The following SSBP3 variants were observed in gnomAD, a reference collection of about 807,000 sequenced individuals.
SSBP3 encodes the protein single-stranded DNA-binding protein 3.
A neutral mutation model predicts 69.6 loss-of-function variants in SSBP3; 5 were observed. That is an observed-to-expected ratio of 0.07 (90% CI 0.04 to 0.15). The LOEUF is 0.15. SSBP3 is among the 10% of genes least tolerant of loss of function. The probability of loss-of-function intolerance (pLI) is 1.00; values close to 1 mark genes in which losing one functional copy is unlikely to be tolerated. For missense variants in SSBP3, 312 were observed against 534.0 expected, an observed-to-expected ratio of 0.58 and a Z score of 4.10; for synonymous variants, 196 against 193.4, an observed-to-expected ratio of 1.01 and a Z score of -0.11.
chr1:54,404,958 G>A (rs1438784935), intron 1 of SSBP3, 28 bp from the exon 2 acceptor site: 4 of 1,599,158 alleles, frequency 2.5e-6, no homozygotes, highest in East Asian at 2.2e-5. Flanking sequence ...GGCAAAGAGA[G>A]AGAGGGAAAG....
chr1:54,230,895 T>TC (rs1435488134), intron 14 of SSBP3, among the ~76,000 whole-genome samples: 3 of 152,240 alleles, frequency 2.0e-5, no homozygotes, highest in Admixed American at 2.0e-4. Context: ...ATACCACATT[T>TC]CATTTATCCA....
chr1:54,252,496 G>A (rs1422204462), intron 7 of SSBP3, among the ~76,000 whole-genome samples: 1 of 151,870 alleles, frequency 6.6e-6, no homozygotes, highest in East Asian at 1.9e-4. Flanking sequence ...TCTACAATAG[G>A]AAATGCCACC....
chr1:54,382,410 G>A (rs1180633247), intron 4 of SSBP3, among the ~76,000 whole-genome samples: 2 of 152,150 alleles, frequency 1.3e-5, no homozygotes, highest in African/African-American at 2.4e-5. Context: ...CCCAGATAAA[G>A]GGGAGGAAAA....
At chr1:54,405,047 G>A in intron 1 of SSBP3, 117 bp from the exon 2 acceptor site, 2 of 904,076 alleles carry the variant, frequency 2.2e-6, no homozygotes, top group Admixed American at 2.0e-5. Context: ...TTGTGGCCCC[G>A]ACCAGAGGTA....
intron 5 of SSBP3, among the ~76,000 whole-genome samples, chr1:54,275,967 G>A (rs964385025): frequency 1.3e-5 from 2 of 152,084 alleles, no homozygotes; most frequent in Admixed American, 6.6e-5. Flanking sequence ...TCATATCTCC[G>A]GCTTTTGGGC....
chr1:54,384,024 T>G (rs1647884245), intron 4 of SSBP3, among the ~76,000 whole-genome samples: 1 of 146,360 alleles, frequency 6.8e-6, no homozygotes, highest in East Asian at 2.1e-4. Flanking sequence ...GAGAATGGCA[T>G]GAACCCAGGA....
chr1:54,309,029 A>C lies in SSBP3; in HGVS notation c.277-27502T>G, dbSNP rs554582336. Among the ~76,000 whole-genome samples, 15 of 152,382 alleles carry C rather than the reference A, an allele frequency of 9.8e-5. 1 individual carries two copies. In the South Asian group the frequency reaches 2.7e-3, roughly 27 times the overall value. ...ACACTGCAACAAAATCATAATGCTC[A>C]TCTGATGAACTGGGGCATATGTGCA... is the stretch of plus-strand genomic sequence containing the variant. On this transcript the variant is annotated intron_variant, in intron 4 of 17. Coordinates refer to ENST00000610401, the Ensembl canonical transcript of SSBP3.
exon 1 of SSBP3, chr1:54,406,180 C>T (rs1649755260): frequency 2.1e-6 from 1 of 477,824 alleles, no homozygotes; most frequent in Non-Finnish European, 3.5e-6. Flanking sequence ...CAGGCGCTGG[C>T]TCCGCGCTCT....
chr1:54,329,460 G>A lies in SSBP3; in HGVS notation c.277-47933C>T, dbSNP rs57575057. 3.3e-5 allele frequency among the ~76,000 whole-genome samples: 5 copies of A among 152,310 alleles called. No individual in the cohort carries two copies. The East Asian group carries it at 9.7e-4, about 29-fold the overall frequency. On this transcript the variant is annotated intron_variant, in intron 4 of 17. Transcript: ENST00000610401. Reference sequence around the variant, plus strand: ...CTGCATGTGACAGTCCCAGCCTCCTGCACAATCAATACTGATTGTGTACTG... The same window carrying A: ...CTGCATGTGACAGTCCCAGCCTCCTACACAATCAATACTGATTGTGTACTG...
At chr1:54,396,866 C>G (rs1056144762) in intron 4 of SSBP3, among the ~76,000 whole-genome samples, 1 of 152,154 alleles carries the variant, frequency 6.6e-6, no homozygotes, top group South Asian at 2.1e-4. Context: ...GGGGTCTTGC[C>G]GCCACTTGAA....
intron 4 of SSBP3, among the ~76,000 whole-genome samples, chr1:54,308,342 C>T (rs1645936641): frequency 6.6e-6 from 1 of 151,098 alleles, no homozygotes; most frequent in African/African-American, 2.4e-5. Context: ...TGGCTCATGC[C>T]TGTAATCCCA....
chr1:54,291,569 G>A (rs1222329835), intron 4 of SSBP3, among the ~76,000 whole-genome samples: 5 of 152,228 alleles, frequency 3.3e-5, no homozygotes, highest in Non-Finnish European at 7.3e-5. Context: ...AACAGTCTCT[G>A]TTTCGTCCCC....
At chr1:54,269,457 C>T (rs1645155720) in intron 5 of SSBP3, among the ~76,000 whole-genome samples, 1 of 152,200 alleles carries the variant, frequency 6.6e-6, no homozygotes, top group African/African-American at 2.4e-5. Context: ...AAAGCTGCTT[C>T]CCAAAACAGA....
chr1:54,309,591 A>G (rs920699088), intron 4 of SSBP3, among the ~76,000 whole-genome samples: 1 of 152,208 alleles, frequency 6.6e-6, no homozygotes, highest in African/African-American at 2.4e-5. Flanking sequence ...AGGCAGTCAG[A>G]AAGTTGGCTT....
At chr1:54,358,232 G>A (rs537698369) in intron 4 of SSBP3, among the ~76,000 whole-genome samples, 2 of 152,292 alleles carry the variant, frequency 1.3e-5, no homozygotes, top group African/African-American at 4.8e-5. Context: ...TAACCTCAAG[G>A]AGTACCTCTT....
intron 5 of SSBP3, among the ~76,000 whole-genome samples, chr1:54,260,189 C>T (rs1297026994): frequency 6.6e-6 from 1 of 152,090 alleles, no homozygotes; most frequent in Non-Finnish European, 1.5e-5. Context: ...AGCCAACCCC[C>T]AAAAAAAGAA....
intron 4 of SSBP3, among the ~76,000 whole-genome samples, chr1:54,380,048 G>A (rs1475908557): frequency 6.6e-6 from 1 of 152,190 alleles, no homozygotes; most frequent in Non-Finnish European, 1.5e-5. Flanking sequence ...GGGTGAGAGG[G>A]CTCTCTGGTC....
intron 5 of SSBP3, among the ~76,000 whole-genome samples, chr1:54,264,865 G>A (rs1645074729): frequency 6.6e-6 from 1 of 152,180 alleles, no homozygotes; most frequent in African/African-American, 2.4e-5. Context: ...CTAGGACACC[G>A]GCCACTGCTC....
intron 4 of SSBP3, chr1:54,325,409 G>C (rs1646284293): frequency 6.0e-6 from 1 of 167,162 alleles, no homozygotes; most frequent in African/African-American, 2.4e-5. Context: ...CAGCTCTTCT[G>C]GATCTACAGA....
Sources: gnomAD v4.1 joint callset for allele counts (sites outside exome capture counted in the v4.1 genomes callset) on GRCh38, gnomAD v4.1.1 for gene constraint, MANE v1.5 for transcripts, NCBI Gene and HGNC (gene_info 2026-07-23, HGNC 2026-07-21) for gene names.